SYT16: variants seen among roughly 807,000 people sequenced by gnomAD.
SYT16 encodes the protein synaptotagmin-16.
SYT16 carries 42 observed loss-of-function variants against 61.4 expected under a neutral mutation model. The observed-to-expected ratio is 0.68, with a 90% CI of 0.53 to 0.89. SYT16 has a LOEUF of 0.89. Among genes scored for constraint, SYT16 ranks in the 40% least tolerant of loss-of-function variants. SYT16 has a pLI of 0.00. For synonymous variants in SYT16, 314 were observed against 302.3 expected (o/e 1.04, Z -0.40); for missense variants, 804 against 807.3 (o/e 1.00, Z 0.05).
chr14:62,029,788 A>C (rs1190382169), intron 3 of SYT16, among the ~76,000 whole-genome samples: 2 of 152,020 alleles, frequency 1.3e-5, no homozygotes, highest in Non-Finnish European at 2.9e-5. Flanking sequence ...TGGAAAAAAA[A>C]AAAAGTAGTA....
chr14:61,921,682 G>A (rs949234204), intron 1 of SYT16, among the ~76,000 whole-genome samples: 1 of 152,160 alleles, frequency 6.6e-6, no homozygotes, highest in Admixed American at 6.5e-5. Context: ...GAACCATTTT[G>A]TTTGGCCTCT....
At chr14:62,006,669 C>T (rs1392380787) in intron 3 of SYT16, among the ~76,000 whole-genome samples, 1 of 152,142 alleles carries the variant, frequency 6.6e-6, no homozygotes, top group African/African-American at 2.4e-5. Flanking sequence ...ATAGTGTCAT[C>T]CCAAGATAGG....
chr14:62,075,280 A>T lies in SYT16; in HGVS notation c.882A>T (p.Gln294His). 1 of 1,613,958 alleles carries T rather than the reference A, an allele frequency of 6.2e-7. No individual in the cohort carries two copies. Among genetic ancestry groups the T allele is most frequent in the Non-Finnish European group, 8.5e-7 (1 of 1,179,874 alleles). ...GTSHQESSVV[Q>H]SLRRQSTEGS... ...CTCACCAAGAGTCCAGTGTGGTCCA[A>T]AGCCTCAGGCGCCAATCCACAGAGG... The change falls in exon 5 of 8, where the codon CAA becomes CAT. Residue 294 changes from glutamine to histidine, a missense_variant. Physicochemically the swap from Gln to His is conservative, Grantham distance 24 (BLOSUM62 0). Transcript: ENST00000683842.
At chr14:61,836,240 G>C (rs891883016) in intron 1 of SYT16, among the ~76,000 whole-genome samples, 5 of 152,072 alleles carry the variant, frequency 3.3e-5, no homozygotes, top group African/African-American at 1.2e-4. Flanking sequence ...ATTTCTCATG[G>C]TACCTTCCAC....
At chr14:61,988,268 A>C (rs1432668204) in intron 2 of SYT16, among the ~76,000 whole-genome samples, 1 of 152,170 alleles carries the variant, frequency 6.6e-6, no homozygotes, top group Admixed American at 6.5e-5. Context: ...TTCTTTTTTC[A>C]TAAAAATTTT....
rs537570433 is a variant in SYT16 at position 61,843,139 on chromosome 14, GT to G, written c.-325+30337del. On this transcript the variant is annotated intron_variant, in intron 1 of 7. Transcript: ENST00000683842. Reference sequence around the variant, plus strand: ...AGATCATATGGTAGCTCCATTTTTAGTTTTTTTTGGAACCTCCCAACTGTTC... The same window carrying G: ...AGATCATATGGTAGCTCCATTTTTAGTTTTTTTGGAACCTCCCAACTGTTC... Among the ~76,000 whole-genome samples, 102 of 151,562 alleles carry G rather than the reference GT, an allele frequency of 6.7e-4. 1 individual carries two copies. Among genetic ancestry groups the G allele is most frequent in the African/African-American group, 2.2e-3 (89 of 41,350 alleles).
intron 1 of SYT16, among the ~76,000 whole-genome samples, chr14:61,889,104 G>A (rs1242466100): frequency 1.3e-5 from 2 of 152,216 alleles, no homozygotes; most frequent in African/African-American, 2.4e-5. Flanking sequence ...CATGGTGATA[G>A]TTGCAGGGAC....
Position 61,975,125 on chromosome 14 carries a change from T to A in SYT16, c.-145+4814T>A, listed in dbSNP as rs545633041. 5.3e-5 allele frequency among the ~76,000 whole-genome samples: 8 copies of A among 152,360 alleles called. No individual in the cohort carries two copies. In the South Asian group the frequency reaches 1.7e-3, roughly 32 times the overall value. ...CACTTACAATGGTGTTAATTCCAGA[T>A]AAACCCATCATAAATTGAGAATATT... On this transcript the variant is annotated intron_variant, in intron 2 of 7. Transcript: ENST00000683842.
At position 61,996,225 on chromosome 14, in the gene SYT16, A is replaced by G. The variant is rs183435481; in HGVS notation, c.206A>G (p.Asp69Gly). The G allele has an allele frequency of 5.0e-6, 8 of 1,613,616 alleles. No individual in the cohort carries two copies. The African/African-American group carries it at 9.3e-5, about 19-fold the overall frequency. ...NIQIQETYFE[D>G]EEQDNDWSQE... ...CAGATTCAGGAAACGTACTTTGAAG[A>G]TGAAGAACAAGACAATGATTGGAGT... Residue 69 changes from aspartate (D) to glycine (G), a missense_variant, in exon 3 of 8, where the codon GAT (aspartate) becomes GGT (glycine). Asp to Gly is a moderately conservative substitution (Grantham distance 94, BLOSUM62 -1). Transcript: ENST00000683842.
chr14:61,846,961 G>C (rs2046462696), intron 1 of SYT16, among the ~76,000 whole-genome samples: 1 of 152,058 alleles, frequency 6.6e-6, no homozygotes, highest in African/African-American at 2.4e-5. Flanking sequence ...CCTTTACTCT[G>C]TCTTCCTGTT....
At chr14:62,002,454 T>TG (rs111350776) in intron 3 of SYT16, among the ~76,000 whole-genome samples, 31,706 of 151,646 alleles carry the variant, frequency 0.21, 3,707 homozygotes, top group Non-Finnish European at 0.26. Flanking sequence ...TTTTGCCCCT[T>TG]CCCAGGAAAA....
At chr14:61,865,205 C>A (rs2047108419) in intron 1 of SYT16, 3 of 1,121,538 alleles carry the variant, frequency 2.7e-6, no homozygotes, top group African/African-American at 3.1e-5. Flanking sequence ...CTATAAGCGA[C>A]TTCTGGATTC....
At chr14:62,006,948 C>T (rs1459603830) in intron 3 of SYT16, among the ~76,000 whole-genome samples, 5 of 152,052 alleles carry the variant, frequency 3.3e-5, no homozygotes, top group South Asian at 4.1e-4. Context: ...AATCTCGGAA[C>T]GTACTTAAAA....
chr14:61,959,047 G>C (rs1055749991), intron 1 of SYT16, among the ~76,000 whole-genome samples: 1 of 151,950 alleles, frequency 6.6e-6, no homozygotes, highest in Non-Finnish European at 1.5e-5. Flanking sequence ...TGTCCATTTT[G>C]TCTAATATGA....
At chr14:61,892,596 AAG>A (rs1348957018) in intron 1 of SYT16, among the ~76,000 whole-genome samples, 7 of 152,118 alleles carry the variant, frequency 4.6e-5, no homozygotes, top group African/African-American at 1.4e-4. Flanking sequence ...CCAGTGGAAA[AAG>A]AGTTTCCCTT....
intron 1 of SYT16, among the ~76,000 whole-genome samples, chr14:61,858,675 G>T (rs2046858811): frequency 6.6e-6 from 1 of 152,142 alleles, no homozygotes; most frequent in Non-Finnish European, 1.5e-5. Context: ...ACTTGTGATA[G>T]GAAACGTGTC....
chr14:62,072,013 C>T (rs562986208), intron 4 of SYT16, among the ~76,000 whole-genome samples: 1 of 152,246 alleles, frequency 6.6e-6, no homozygotes, highest in South Asian at 2.1e-4. Flanking sequence ...CACTAATTGT[C>T]AATGCATTCC....
intron 1 of SYT16, among the ~76,000 whole-genome samples, chr14:61,870,880 T>A (rs2047310719): frequency 6.6e-6 from 1 of 152,202 alleles, no homozygotes; most frequent in Non-Finnish European, 1.5e-5. Flanking sequence ...GCCTAATAAT[T>A]CTATAATCTC....
intron 1 of SYT16, among the ~76,000 whole-genome samples, chr14:61,961,225 A>T (rs961182817): frequency 6.6e-6 from 1 of 152,128 alleles, no homozygotes; most frequent in African/African-American, 2.4e-5. Context: ...ATTTTATGAC[A>T]AAGATGCCAA....
Sources: allele counts gnomAD v4.1 joint callset (sites outside exome capture counted in the v4.1 genomes callset), GRCh38; gene constraint gnomAD v4.1.1; transcripts MANE v1.5; gene names NCBI Gene and HGNC (gene_info 2026-07-23, HGNC 2026-07-21).